Variants in SLC4A5 observed in about 807,000 individuals in gnomAD.
The protein encoded by SLC4A5 is electrogenic sodium bicarbonate cotransporter 4.
Under a neutral mutation model 120.4 loss-of-function variants are expected in SLC4A5, and 96 were observed. That is an observed-to-expected ratio of 0.80 (90% CI 0.68 to 0.94). SLC4A5 has a LOEUF of 0.94. Ranked by LOEUF, SLC4A5 falls within the 40% of genes least tolerant of loss-of-function variation. The pLI is 0.00. For missense variants in SLC4A5, 1,259 were observed against 1,459.5 expected, an observed-to-expected ratio of 0.86 and a Z score of 2.24; for synonymous variants, 550 against 571.1, an observed-to-expected ratio of 0.96 and a Z score of 0.53.
chr2:74,223,855 A>G (rs1694747375), intron 28 of SLC4A5, among the ~76,000 whole-genome samples: 1 of 152,160 alleles, frequency 6.6e-6, no homozygotes, highest in South Asian at 2.1e-4. Context: ...TGATCAGAAG[A>G]TGGTTTAATC....
chr2:74,293,564 G>T (rs1400166019), intron 7 of SLC4A5, among the ~76,000 whole-genome samples: 1 of 152,222 alleles, frequency 6.6e-6, no homozygotes, highest in Non-Finnish European at 1.5e-5. Flanking sequence ...AAAGGGCTGG[G>T]CTGCAAAGAG....
intron 3 of SLC4A5, among the ~76,000 whole-genome samples, chr2:74,338,349 T>G (rs535049784): frequency 1.1e-4 from 16 of 152,162 alleles, no homozygotes; most frequent in Non-Finnish European, 4.4e-5. Context: ...AAAATTAAAA[T>G]GCAAATCAGC....
chr2:74,277,085 T>A (rs1671667784), intron 8 of SLC4A5, among the ~76,000 whole-genome samples: 1 of 152,176 alleles, frequency 6.6e-6, no homozygotes, highest in African/African-American at 2.4e-5. Flanking sequence ...TCCATTTGTA[T>A]GAGTTAGCCT....
intron 14 of SLC4A5, 53 bp downstream of exon 14, chr2:74,254,566 C>T: frequency 7.1e-7 from 1 of 1,405,266 alleles, no homozygotes; most frequent in East Asian, 2.3e-5. Flanking sequence ...AGGTGCAGTG[C>T]TTGGTGCAGG....
intron 7 of SLC4A5, among the ~76,000 whole-genome samples, chr2:74,297,930 C>T (rs1672379799): frequency 1.3e-5 from 2 of 152,154 alleles, no homozygotes; most frequent in East Asian, 3.8e-4. Context: ...CATTATCAGC[C>T]AGGGTCCAAT....
chr2:74,217,504 T>C (rs1694483097), exon 31 of SLC4A5: 1 of 152,220 alleles, frequency 6.6e-6, no homozygotes, highest in Non-Finnish European at 1.5e-5. Context: ...TAACCTGTAT[T>C]GTTCACATGA....
At chr2:74,316,575 A>G (rs1573097517) in intron 5 of SLC4A5, among the ~76,000 whole-genome samples, 2 of 152,196 alleles carry the variant, frequency 1.3e-5, no homozygotes, top group East Asian at 3.9e-4. Context: ...CTTTATGGCA[A>G]TAAGGTACCA....
intron 8 of SLC4A5, among the ~76,000 whole-genome samples, chr2:74,275,502 C>T (rs1671610475): frequency 6.6e-6 from 1 of 152,160 alleles, no homozygotes; most frequent in South Asian, 2.1e-4. Flanking sequence ...TGGTACCTCC[C>T]TTCACTGCCT....
chr2:74,238,278 T>C (rs1670333798), intron 21 of SLC4A5, among the ~76,000 whole-genome samples: 1 of 152,088 alleles, frequency 6.6e-6, no homozygotes, highest in South Asian at 2.1e-4. Context: ...ACTGTATTCA[T>C]AAATCAGAAA....
chr2:74,326,777 C>T (rs146714814), intron 5 of SLC4A5, among the ~76,000 whole-genome samples: 1 of 152,238 alleles, frequency 6.6e-6, no homozygotes, highest in Non-Finnish European at 1.5e-5. Flanking sequence ...TGAGATGGCA[C>T]CACTGCACTC....
At chr2:74,307,882 C>T (rs1459429646) in intron 6 of SLC4A5, 2 of 470,870 alleles carry the variant, frequency 4.2e-6, no homozygotes, top group Admixed American at 2.6e-5. Context: ...ATCCAGGAAC[C>T]AGAGCCCCCG....
intron 8 of SLC4A5, among the ~76,000 whole-genome samples, chr2:74,271,460 A>G (rs1671472548): frequency 6.6e-6 from 1 of 152,168 alleles, no homozygotes; most frequent in South Asian, 2.1e-4. Context: ...TCTGTGCTCC[A>G]GACTATCCTA....
At chr2:74,241,870 G>A (rs991764724) in intron 20 of SLC4A5, 124 bp downstream of exon 20, 15 of 726,318 alleles carry the variant, frequency 2.1e-5, no homozygotes, top group African/African-American at 7.1e-5. Context: ...TGACCCTGAC[G>A]TGCAGCTGGA....
At chr2:74,276,073 G>C (rs1465799547) in intron 8 of SLC4A5, among the ~76,000 whole-genome samples, 3 of 152,146 alleles carry the variant, frequency 2.0e-5, no homozygotes, top group Non-Finnish European at 4.4e-5. Flanking sequence ...TGGCCAGCTA[G>C]CTAAGCATGG....
intron 23 of SLC4A5, among the ~76,000 whole-genome samples, chr2:74,232,889 G>A (rs538519379): frequency 9.2e-5 from 14 of 152,212 alleles, no homozygotes; most frequent in Non-Finnish European, 1.9e-4. Context: ...GAGGCCCTGG[G>A]TTTGGGTCTC....
At chr2:74,340,583 G>A (rs1039737390) in intron 2 of SLC4A5, among the ~76,000 whole-genome samples, 8 of 152,128 alleles carry the variant, frequency 5.3e-5, no homozygotes, top group African/African-American at 1.7e-4. Context: ...TGTAGGAAAG[G>A]AATTTCCTAC....
At chr2:74,232,379 C>T (rs1042508961) in intron 24 of SLC4A5, 90 bp downstream of exon 24, 2 of 1,491,652 alleles carry the variant, frequency 1.3e-6, no homozygotes, top group African/African-American at 2.8e-5. Context: ...CCCTTTTTGT[C>T]CAAATCCTTT....
chr2:74,265,807 T>A (rs1389251603), intron 8 of SLC4A5, among the ~76,000 whole-genome samples: 2 of 152,178 alleles, frequency 1.3e-5, no homozygotes, highest in African/African-American at 4.8e-5. Context: ...CTCTGAAAGT[T>A]CAGGTAAAAA....
chr2:74,283,543 C>T (rs1671879632), intron 8 of SLC4A5, among the ~76,000 whole-genome samples: 2 of 152,050 alleles, frequency 1.3e-5, no homozygotes, highest in African/African-American at 4.8e-5. Context: ...GTGGGGAAAA[C>T]CTGGGGGTGT....
Sources: gnomAD v4.1 joint callset for allele counts (sites outside exome capture counted in the v4.1 genomes callset) on GRCh38, gnomAD v4.1.1 for gene constraint, MANE v1.5 for transcripts, NCBI Gene and HGNC (gene_info 2026-07-23, HGNC 2026-07-21) for gene names.